Variants in ADCY1 observed in about 807,000 individuals in gnomAD.
The protein encoded by ADCY1 is adenylate cyclase type 1.
ADCY1 carries 28 observed loss-of-function variants against 105.4 expected under a neutral mutation model. The observed-to-expected ratio is 0.27, with a 90% CI of 0.20 to 0.36. ADCY1 has a LOEUF of 0.36. ADCY1 is among the 10% of genes least tolerant of loss of function. The pLI, the probability that ADCY1 is intolerant of heterozygous loss-of-function variation, is 1.00. For synonymous variants in ADCY1, 655 were observed against 623.8 expected (o/e 1.05, Z -0.75); for missense variants, 977 against 1,434.2 (o/e 0.68, Z 5.15).
intron 11 of ADCY1, among the ~76,000 whole-genome samples, chr7:45,684,057 A>G (rs779465920): frequency 2.6e-5 from 4 of 152,242 alleles, no homozygotes; most frequent in African/African-American, 7.2e-5. Context: ...AGGGAAGTGC[A>G]GTGATTCACG....
At chr7:45,659,032 G>T (rs1333707518) in intron 6 of ADCY1, among the ~76,000 whole-genome samples, 1 of 152,236 alleles carries the variant, frequency 6.6e-6, no homozygotes, top group African/African-American at 2.4e-5. Context: ...TGAGGCTGGA[G>T]TCAGAACCTG....
intron 4 of ADCY1, among the ~76,000 whole-genome samples, chr7:45,626,450 C>A (rs1794063887): frequency 1.3e-5 from 2 of 152,176 alleles, no homozygotes; most frequent in South Asian, 4.1e-4. Flanking sequence ...CGCCTTTGTT[C>A]TTGGGGACGC....
chr7:45,667,986 G>A, intron 8 of ADCY1, among the ~76,000 whole-genome samples: 1 of 152,216 alleles, frequency 6.6e-6, no homozygotes, highest in Admixed American at 6.5e-5. Context: ...TTTGTATCCT[G>A]AGACTTTGCT....
chr7:45,677,989 C>T lies in ADCY1; in HGVS notation c.1726C>T (p.Arg576Cys), dbSNP rs759674723. Residue 576 changes from arginine to cysteine, a missense_variant, in exon 9 of 20, where the codon CGC (arginine) becomes TGC (cysteine). By Grantham distance (180) the Arg-to-Cys change is radical (BLOSUM62 -3). Transcript: ENST00000297323. The stretch of plus-strand genomic sequence containing the variant: ...GTACATCAGCCGCCTCTTAGAAGCC[C>T]GCCAGACAGAGCTGGAGATGGCAGA... ...NRYISRLLEA[R>C]QTELEMADLN... The T allele has an allele frequency of 6.8e-6, 11 of 1,614,082 alleles. No individual in the cohort carries two copies. The highest frequency in any genetic ancestry group is 5.3e-5 in the African/African-American group (4 of 74,924).
intron 2 of ADCY1, among the ~76,000 whole-genome samples, chr7:45,608,312 A>G (rs938261804): frequency 6.6e-6 from 1 of 152,218 alleles, no homozygotes; most frequent in African/African-American, 2.4e-5. Flanking sequence ...TTTTGCTAGA[A>G]CAAGCTGTTT....
At chr7:45,574,238 A>G, upstream of ADCY1, 1 of 764,710 alleles carries the variant, frequency 1.3e-6, no homozygotes, top group Non-Finnish European at 1.6e-6. This position sits in a 1 kb window ranked among gnomAD's most constrained non-coding sequence, Gnocchi z 7.0. Context: ...CAGGACGCGG[A>G]GTTGGGGCGC....
rs77163516 is a variant in ADCY1, at chr7:45,688,800, G to T, written c.2454+2127G>T. Among the ~76,000 whole-genome samples the T allele has an allele frequency of 1.2e-3, 185 of 151,874 alleles. 2 individuals carry two copies. The East Asian group carries it at 0.03, about 25-fold the overall frequency. Reference sequence around the variant, plus strand: ...CTTGTTTAGTGAACAGTGGTTTTCAGTATACTCACAGTCCTGTAACGATTA... The same window carrying T: ...CTTGTTTAGTGAACAGTGGTTTTCATTATACTCACAGTCCTGTAACGATTA... On this transcript the variant is annotated intron_variant, in intron 14 of 19. Coordinates refer to ENST00000297323, the MANE Select transcript of ADCY1 (RefSeq NM_021116.4).
At chr7:45,706,791 C>T (rs1234331387) in intron 17 of ADCY1, among the ~76,000 whole-genome samples, 1 of 152,040 alleles carries the variant, frequency 6.6e-6, no homozygotes, top group Admixed American at 6.6e-5. Flanking sequence ...AGTAGAAAAT[C>T]TTTGCAAGCC....
chr7:45,705,981 G>T (rs564763819), intron 17 of ADCY1, among the ~76,000 whole-genome samples: 1 of 152,132 alleles, frequency 6.6e-6, no homozygotes, highest in South Asian at 2.1e-4. Flanking sequence ...TGAAATACTA[G>T]GTATAACTCT....
chr7:45,701,977 C>T (rs892445264), intron 14 of ADCY1, among the ~76,000 whole-genome samples: 9 of 152,202 alleles, frequency 5.9e-5, no homozygotes, highest in South Asian at 2.1e-4. Flanking sequence ...CTCCATGGAT[C>T]GCACTGATTC....
chr7:45,674,005 A>G (rs1481681756), intron 8 of ADCY1, among the ~76,000 whole-genome samples: 6 of 26,632 alleles, frequency 2.3e-4, no homozygotes, highest in African/African-American at 5.0e-4. Flanking sequence ...ATATATATAT[A>G]TATGTTTTTG....
At chr7:45,688,991 G>A (rs1784738616) in intron 14 of ADCY1, among the ~76,000 whole-genome samples, 1 of 150,364 alleles carries the variant, frequency 6.7e-6, no homozygotes, top group African/African-American at 2.5e-5. Flanking sequence ...TATTAAGTTA[G>A]TGCCTGTTCT....
chr7:45,577,840 C>T (rs1012112307), intron 1 of ADCY1, among the ~76,000 whole-genome samples: 14 of 152,316 alleles, frequency 9.2e-5, no homozygotes, highest in African/African-American at 3.4e-4. Context: ...AGCTCCCTCC[C>T]TTGAATCCCA....
chr7:45,696,489 C>T (rs912663077), intron 14 of ADCY1, among the ~76,000 whole-genome samples: 19 of 146,126 alleles, frequency 1.3e-4, no homozygotes, highest in African/African-American at 4.8e-4. Flanking sequence ...TTTTCTGCAA[C>T]AGTCTGTTAC....
At chr7:45,596,324 T>C (rs1388903909) in intron 2 of ADCY1, among the ~76,000 whole-genome samples, 4 of 149,932 alleles carry the variant, frequency 2.7e-5, no homozygotes, top group East Asian at 2.0e-4. Context: ...TGGGAGTGGA[T>C]TGGGGGATGC....
chr7:45,708,756 G>A lies in ADCY1; in HGVS notation c.2932+292G>A, dbSNP rs1244902528. ...TGCTCCTCCAAGTCCACACTTAGCT[G>A]AAGTAAAATGCCCTTTTCCCTGTTC... On this transcript the variant is annotated intron_variant, in intron 18 of 19. Transcript: ENST00000297323. The surrounding 1 kb of genome is among the most constrained non-coding windows in gnomAD (Gnocchi z 4.7). Among the ~76,000 whole-genome samples the A allele has an allele frequency of 2.0e-5, 3 of 152,200 alleles. No individual in the cohort carries two copies. Among genetic ancestry groups the A allele is most frequent in the Non-Finnish European group, 2.9e-5 (2 of 68,040 alleles).
At chr7:45,685,549 C>T (rs1385868450) in intron 12 of ADCY1, among the ~76,000 whole-genome samples, 3 of 146,038 alleles carry the variant, frequency 2.1e-5, no homozygotes, top group East Asian at 2.0e-4. Context: ...AGGAACAGGA[C>T]GGAGCTAGGG....
At chr7:45,675,979 G>A (rs960309439) in intron 8 of ADCY1, among the ~76,000 whole-genome samples, 17 of 151,292 alleles carry the variant, frequency 1.1e-4, no homozygotes, top group East Asian at 3.9e-4. Flanking sequence ...TCTTCCTTTC[G>A]GGACTCTGAT....
Position 45,703,796 on chromosome 7 carries a change from C to G in ADCY1, c.2718+50C>G, listed in dbSNP as rs780474784. On this transcript the variant is annotated intron_variant, in intron 16 of 19. Coordinates refer to ENST00000297323, the MANE Select transcript of ADCY1 (RefSeq NM_021116.4). The surrounding 1 kb of genome is among the most constrained non-coding windows in gnomAD (Gnocchi z 5.9). ...ACCCCGCCTGGTTGTGGTGGTGCATCCTGTTGCGTGGGCAGAGCGTGTCTC... is the reference window on the plus strand; with the variant it reads ...ACCCCGCCTGGTTGTGGTGGTGCATGCTGTTGCGTGGGCAGAGCGTGTCTC... The G allele has an allele frequency of 2.0e-6, 3 of 1,530,724 alleles. No individual in the cohort carries two copies. The South Asian group carries it at 3.9e-5, about 20-fold the overall frequency. The allele number at this position is 1,530,724 out of a possible 1,614,324, so 94.8% of individuals were successfully genotyped here.
Sources: gnomAD v4.1 joint callset for allele counts (sites outside exome capture counted in the v4.1 genomes callset) on GRCh38, gnomAD v4.1.1 for gene constraint, Gnocchi (gnomAD v3.1) non-coding constraint, MANE v1.5 for transcripts, NCBI Gene and HGNC (gene_info 2026-07-23, HGNC 2026-07-21) for gene names.